The following PPIC variants were observed in gnomAD, a reference collection of about 807,000 sequenced individuals.
The protein encoded by PPIC is peptidyl-prolyl cis-trans isomerase C.
A neutral mutation model predicts 19.5 loss-of-function variants in PPIC; 19 were observed. The observed-to-expected ratio is 0.98, with a 90% CI of 0.68 to 1.43. The LOEUF is 1.43. Among genes scored for constraint, PPIC ranks in the 40% most tolerant of loss-of-function variants. The pLI, the probability that PPIC is intolerant of heterozygous loss-of-function variation, is 0.00. For synonymous variants in PPIC, 107 were observed against 101.2 expected, an observed-to-expected ratio of 1.06 and a Z score of -0.34; for missense variants, 268 against 268.6, an observed-to-expected ratio of 1.00 and a Z score of 0.02.
intron 2 of PPIC, 154 bp from the exon 3 acceptor site, chr5:123,029,022 C>T: frequency 1.2e-6 from 1 of 822,076 alleles, no homozygotes; most frequent in African/African-American, 1.7e-5. Context: ...AGAAATTTAT[C>T]ATTAGCTGAC....
chr5:123,029,179 A>T (rs745339085), intron 2 of PPIC, 126 bp downstream of exon 2: 4 of 1,532,660 alleles, frequency 2.6e-6, no homozygotes, highest in Non-Finnish European at 2.6e-6. Context: ...TTAATTGGAA[A>T]ATAAAGTCAA....
At chr5:123,030,385 T>C (rs1211197947) in intron 1 of PPIC, among the ~76,000 whole-genome samples, 1 of 152,196 alleles carries the variant, frequency 6.6e-6, no homozygotes, top group African/African-American at 2.4e-5. Flanking sequence ...CGCGTTTAGA[T>C]TATATGAACC....
chr5:123,029,801 A>G (rs1336841642), intron 1 of PPIC, among the ~76,000 whole-genome samples: 2 of 152,210 alleles, frequency 1.3e-5, no homozygotes, highest in African/African-American at 2.4e-5. Context: ...AATGGAAAAT[A>G]TTGCTCTCTT....
At position 123,023,654 on chromosome 5, in the gene PPIC, G is replaced by A. The variant is rs45605533; in HGVS notation, c.*221C>T. The A allele has an allele frequency of 5.4e-5, 27 of 500,986 alleles. No homozygotes were observed. The highest frequency in any genetic ancestry group is 5.3e-4 in the African/African-American group (27 of 50,640). 31.0% of individuals were successfully genotyped at this position (500,986 alleles called of 1,614,324 possible). A position where few individuals can be genotyped will look rare whatever the true frequency, so the allele number is the denominator to read the frequency against. On this transcript the variant is annotated 3_prime_UTR_variant, in exon 5 of 5. Transcript: ENST00000306442. ...TAAAATAGCACCACTTGAGGAAGGGGATATATTTAAGTTCAAAGTCCCTAA... is the reference window on the plus strand; with the variant it reads ...TAAAATAGCACCACTTGAGGAAGGGAATATATTTAAGTTCAAAGTCCCTAA...
chr5:123,029,200 G>A (rs762679170), intron 2 of PPIC, 105 bp downstream of exon 2: 27 of 1,582,870 alleles, frequency 1.7e-5, no homozygotes, highest in Middle Eastern at 1.7e-4. Flanking sequence ...ATGTGGTAAG[G>A]TTCATCTGAC....
intron 2 of PPIC, 47 bp from the exon 3 acceptor site, chr5:123,028,915 G>C: frequency 6.9e-7 from 1 of 1,454,972 alleles, no homozygotes; most frequent in Non-Finnish European, 9.6e-7. Flanking sequence ...AGGCCATACT[G>C]AAAGATAAAC....
In PPIC at chr5:123,036,351, G is replaced by A. The variant is rs932785715; in HGVS notation, c.117+158C>T. ...CCGGAGCGCCGGCCTCCCAGCACGC[G>A]AGCAGCCCCCTCCCACCCAGTCCCG... On this transcript the variant is annotated intron_variant, in intron 1 of 4. Transcript: ENST00000306442. The surrounding 1 kb of genome is among the most constrained non-coding windows in gnomAD (Gnocchi z 4.5). 46 of 659,712 alleles carry A rather than the reference G, an allele frequency of 7.0e-5. No individual in the cohort carries two copies. The highest frequency in any genetic ancestry group is 2.8e-5 in the East Asian group (1 of 35,316). The allele number at this position is 659,712 out of a possible 1,614,324, so 40.9% of individuals were successfully genotyped here.
chr5:123,025,341 T>G (rs1430721393), intron 4 of PPIC, among the ~76,000 whole-genome samples: 1 of 152,218 alleles, frequency 6.6e-6, no homozygotes, highest in Non-Finnish European at 1.5e-5. Context: ...ACTACCATTC[T>G]ACTTTCTGTT....
chr5:123,036,362 T>C lies in PPIC; in HGVS notation c.117+147A>G. 1 of 686,904 alleles carries C rather than the reference T, an allele frequency of 1.5e-6. No individual in the cohort carries two copies. The highest frequency in any genetic ancestry group is 2.5e-6 in the Non-Finnish European group (1 of 404,272). 42.6% of individuals were successfully genotyped at this position (686,904 alleles called of 1,614,324 possible). ...GCCTCCCAGCACGCGAGCAGCCCCC[T>C]CCCACCCAGTCCCGCGGCCGCCTCC... On this transcript the variant is annotated intron_variant, in intron 1 of 4. Coordinates refer to ENST00000306442, the MANE Select transcript of PPIC (RefSeq NM_000943.5). The surrounding 1 kb of genome is among the most constrained non-coding windows in gnomAD (Gnocchi z 4.5).
At chr5:123,027,880 A>G (rs1762884394) in intron 3 of PPIC, among the ~76,000 whole-genome samples, 1 of 152,250 alleles carries the variant, frequency 6.6e-6, no homozygotes, top group Non-Finnish European at 1.5e-5. Flanking sequence ...CTTTTAAGAG[A>G]AAACAGTGTA....
At position 123,023,539 on chromosome 5, in the gene PPIC, G is replaced by A. The variant is rs918821021; in HGVS notation, c.*336C>T. On this transcript the variant is annotated 3_prime_UTR_variant, in exon 5 of 5. Transcript: ENST00000306442. ...ATATCCTCATCTGTTTCAGATAAATGTTCAGCATTACCCAATATGGGGATC... is the reference window on the plus strand; with the variant it reads ...ATATCCTCATCTGTTTCAGATAAATATTCAGCATTACCCAATATGGGGATC... 1.2e-5 allele frequency: 2 copies of A among 164,782 alleles called. No homozygotes were observed. Among genetic ancestry groups the A allele is most frequent in the African/African-American group, 4.8e-5 (2 of 41,732 alleles). 10.2% of individuals were successfully genotyped at this position (164,782 alleles called of 1,614,324 possible). A position where few individuals can be genotyped will look rare whatever the true frequency, so the allele number is the denominator to read the frequency against.
intron 1 of PPIC, among the ~76,000 whole-genome samples, chr5:123,035,659 A>G (rs1050087437): frequency 2.0e-5 from 3 of 152,044 alleles, no homozygotes; most frequent in African/African-American, 7.2e-5. Flanking sequence ...AGCTTCGAAG[A>G]CACTATTGCC....
chr5:123,024,043 A>G (rs1444046152), intron 4 of PPIC, 40 bp from the exon 5 acceptor site: 1 of 1,578,472 alleles, frequency 6.3e-7, no homozygotes, highest in Admixed American at 1.8e-5. Flanking sequence ...AATTCTGACC[A>G]GCAGCTATAG....
Position 123,036,305 on chromosome 5 carries a change from C to A in PPIC, c.117+204G>T, listed in dbSNP as rs1763011183. The A allele has an allele frequency of 5.1e-6, 3 of 585,686 alleles. No homozygotes were observed. Among genetic ancestry groups the A allele is most frequent in the Non-Finnish European group, 9.1e-6 (3 of 330,840 alleles). 36.3% of individuals were successfully genotyped at this position (585,686 alleles called of 1,614,324 possible). On this transcript the variant is annotated intron_variant, in intron 1 of 4. Coordinates refer to ENST00000306442, the MANE Select transcript of PPIC (RefSeq NM_000943.5). The surrounding 1 kb of genome is among the most constrained non-coding windows in gnomAD (Gnocchi z 4.5). ...GCGGCGGAGGTAGGCTGGCCTCAGC[C>A]CAGCTCCCCCAGGGTCTCCCCCGGA... is the stretch of plus-strand genomic sequence containing the variant.
chr5:123,028,951 CTG>C, intron 2 of PPIC, 83 bp from the exon 3 acceptor site: 1 of 1,218,850 alleles, frequency 8.2e-7, no homozygotes, highest in Non-Finnish European at 1.2e-6. Context: ...AAAGGACAAA[CTG>C]AGAAAATTAA....
chr5:123,024,159 G>A (rs1194418078), intron 4 of PPIC, among the ~76,000 whole-genome samples, 156 bp from the exon 5 acceptor site: 14 of 130,814 alleles, frequency 1.1e-4, no homozygotes, highest in African/African-American at 3.7e-4. Flanking sequence ...TTTTATGCAC[G>A]CTAACTGTGG....
In PPIC at chr5:123,035,845, C is replaced by T. The variant is rs45454495; in HGVS notation, c.117+664G>A. On this transcript the variant is annotated intron_variant, in intron 1 of 4. Transcript: ENST00000306442. ...GGCAGCCCCCCGCCCCCTTTCCCCGCAGTGGAGGCTGCCCCAGGTCTACAG... is the reference window on the plus strand; with the variant it reads ...GGCAGCCCCCCGCCCCCTTTCCCCGTAGTGGAGGCTGCCCCAGGTCTACAG... 6.6e-5 allele frequency among the ~76,000 whole-genome samples: 10 copies of T among 152,068 alleles called. No individual in the cohort carries two copies. In the East Asian group the frequency reaches 1.2e-3, roughly 18 times the overall value.
intron 3 of PPIC, 184 bp downstream of exon 3, chr5:123,028,591 G>A (rs898252544): frequency 2.3e-5 from 11 of 468,182 alleles, no homozygotes; most frequent in Middle Eastern, 2.9e-4. Context: ...AAATAAGGAC[G>A]CCTCCCTCAT....
rs1763009741 is a variant in PPIC, at chr5:123,036,233, C to T, written c.117+276G>A. ...TCCGGAAGCCTCTCCTACCCCCAGG[C>T]TGGTCACCTCGGACTACCGACCCGG... On this transcript the variant is annotated intron_variant, in intron 1 of 4. Transcript: ENST00000306442. The surrounding 1 kb of genome is among the most constrained non-coding windows in gnomAD (Gnocchi z 4.5). The T allele has an allele frequency of 8.1e-6, 4 of 492,156 alleles. No homozygotes were observed. The South Asian group carries it at 8.7e-5, about 11-fold the overall frequency. The allele number at this position is 492,156 out of a possible 1,614,324, so 30.5% of individuals were successfully genotyped here. A position where few individuals can be genotyped will look rare whatever the true frequency, so the allele number is the denominator to read the frequency against.
Sources: allele counts gnomAD v4.1 joint callset (sites outside exome capture counted in the v4.1 genomes callset), GRCh38; gene constraint gnomAD v4.1.1; non-coding constraint Gnocchi (gnomAD v3.1); transcripts MANE v1.5; gene names NCBI Gene and HGNC (gene_info 2026-07-23, HGNC 2026-07-21).